Variants in CLVS1 observed in about 807,000 individuals in gnomAD.
CLVS1 encodes the protein clavesin-1.
Under a neutral mutation model 33.1 loss-of-function variants are expected in CLVS1, and 10 were observed. The observed-to-expected ratio is 0.30, with a 90% CI of 0.19 to 0.51. The LOEUF (loss-of-function observed/expected upper bound fraction) is 0.51. CLVS1 is among the 20% of genes least tolerant of loss of function. CLVS1 has a pLI of 0.97. For synonymous variants in CLVS1, 163 were observed against 166.1 expected, an observed-to-expected ratio of 0.98 and a Z score of 0.14; for missense variants, 343 against 433.4, an observed-to-expected ratio of 0.79 and a Z score of 1.85.
At chr8:60,972,732 T>C in the CLVS1 span, among the ~76,000 whole-genome samples, 1 of 152,194 alleles carries the variant, frequency 6.6e-6, no homozygotes, top group Non-Finnish European at 1.5e-5. Context: ...AACACTATGA[T>C]TGCAGCCCCA....
chr8:61,440,379 T>C (rs981971422), intron 3 of CLVS1, among the ~76,000 whole-genome samples: 4 of 152,256 alleles, frequency 2.6e-5, no homozygotes, highest in African/African-American at 9.6e-5. Context: ...AGGTTTTCTC[T>C]TAAATTATAT....
Position 61,466,050 on chromosome 8 carries a change from G to A in CLVS1, c.977+7508G>A, listed in dbSNP as rs1817537463. On this transcript the variant is annotated intron_variant, in intron 5 of 5. Transcript: ENST00000325897. ...TTTCTGTTCTTAGGAGTGTATGTGT[G>A]AAGCACCTCACTTTCTCCTACCTAA... is the stretch of plus-strand genomic sequence containing the variant. 2.0e-5 allele frequency among the ~76,000 whole-genome samples: 3 copies of A among 152,180 alleles called. No homozygotes were observed. The South Asian group carries it at 6.2e-4, about 32-fold the overall frequency.
At chr8:61,249,527 A>G (rs936245219) in intron 2 of CLVS1, among the ~76,000 whole-genome samples, 1 of 152,090 alleles carries the variant, frequency 6.6e-6, no homozygotes, top group Non-Finnish European at 1.5e-5. Context: ...ACTAATTTAC[A>G]CTCCCACCAA....
At chr8:61,466,871 A>C (rs1316207452) in intron 5 of CLVS1, among the ~76,000 whole-genome samples, 5 of 151,888 alleles carry the variant, frequency 3.3e-5, no homozygotes, top group African/African-American at 1.2e-4. Context: ...CTGGTCTCGA[A>C]CTCCTGATCT....
intron 3 of CLVS1, among the ~76,000 whole-genome samples, chr8:61,394,954 A>G (rs1159081806): frequency 1.3e-5 from 2 of 152,278 alleles, no homozygotes; most frequent in East Asian, 3.9e-4. Flanking sequence ...ATTTTGTCAT[A>G]TATCTGTTGG....
intron 2 of CLVS1, among the ~76,000 whole-genome samples, chr8:61,145,656 C>T (rs1209975867): frequency 3.9e-5 from 6 of 152,180 alleles, no homozygotes. Context: ...GGCTTTTGTT[C>T]TCAAAAGAAG....
At chr8:61,382,552 G>A (rs753431733) in intron 3 of CLVS1, among the ~76,000 whole-genome samples, 49 of 152,228 alleles carry the variant, frequency 3.2e-4, no homozygotes, top group South Asian at 8.3e-4. Context: ...CAAGTCCTTC[G>A]GGTGATTTGC....
At chr8:61,026,528 G>A in the CLVS1 span, among the ~76,000 whole-genome samples, 7 of 152,276 alleles carry the variant, frequency 4.6e-5, no homozygotes, top group Admixed American at 1.3e-4. Context: ...GGGAGATGTG[G>A]TGTGCTTTGG....
At chr8:61,129,608 T>C (rs1806047896) in intron 1 of CLVS1, among the ~76,000 whole-genome samples, 2 of 152,204 alleles carry the variant, frequency 1.3e-5, no homozygotes, top group Non-Finnish European at 2.9e-5. Context: ...ATTGACAGAT[T>C]CTGTGTCCAA....
chr8:61,252,094 C>T (rs577530105), intron 2 of CLVS1, among the ~76,000 whole-genome samples: 1 of 152,258 alleles, frequency 6.6e-6, no homozygotes, highest in South Asian at 2.1e-4. Flanking sequence ...TTAAATGTGT[C>T]CCAGAGATTC....
intron 5 of CLVS1, among the ~76,000 whole-genome samples, chr8:61,488,404 T>G (rs1246547144): frequency 6.6e-6 from 1 of 152,212 alleles, no homozygotes; most frequent in Non-Finnish European, 1.5e-5. Context: ...CGGAATTTTT[T>G]TGTTGAATTG....
intron 2 of CLVS1, among the ~76,000 whole-genome samples, chr8:61,185,212 C>T (rs908150279): frequency 2.0e-5 from 3 of 151,306 alleles, no homozygotes; most frequent in South Asian, 2.1e-4. Context: ...GGCAGCGTTA[C>T]GCTGTCTGAA....
upstream of CLVS1, among the ~76,000 whole-genome samples, chr8:61,055,852 G>T (rs1289523852): frequency 6.6e-6 from 1 of 152,228 alleles, no homozygotes; most frequent in Non-Finnish European, 1.5e-5. Flanking sequence ...ACTCTCCAAG[G>T]CCAGTCATTC....
chr8:61,323,776 A>G (rs1268165531), intron 2 of CLVS1, among the ~76,000 whole-genome samples: 1 of 152,000 alleles, frequency 6.6e-6, no homozygotes, highest in African/African-American at 2.4e-5. Context: ...CCTAGTACCC[A>G]TTAGTCAGTT....
chr8:61,061,331 CT>C (rs1377701431), intron 1 of CLVS1, among the ~76,000 whole-genome samples: 6 of 152,148 alleles, frequency 3.9e-5, no homozygotes, highest in Non-Finnish European at 7.4e-5. Flanking sequence ...CTTTTTCTTG[CT>C]GTTCCAGATC....
At chr8:61,124,616 G>A (rs1311157335) in intron 1 of CLVS1, among the ~76,000 whole-genome samples, 1 of 152,070 alleles carries the variant, frequency 6.6e-6, no homozygotes, top group East Asian at 1.9e-4. Flanking sequence ...CCAGACTTTG[G>A]TACTTACTGG....
chr8:61,127,787 C>T (rs997164359), intron 1 of CLVS1, among the ~76,000 whole-genome samples: 1 of 152,062 alleles, frequency 6.6e-6, no homozygotes, highest in African/African-American at 2.4e-5. Context: ...GACAGATATT[C>T]CCTCTCCTCA....
chr8:61,323,257 G>A (rs938010478), intron 2 of CLVS1, among the ~76,000 whole-genome samples: 4 of 152,026 alleles, frequency 2.6e-5, no homozygotes, highest in Admixed American at 6.6e-5. Flanking sequence ...GGATTCTCAG[G>A]GCAGTTCTTC....
At chr8:61,354,349 C>T (rs997651022) in intron 2 of CLVS1, among the ~76,000 whole-genome samples, 4 of 151,988 alleles carry the variant, frequency 2.6e-5, no homozygotes, top group Non-Finnish European at 4.4e-5. Context: ...AACTGGATTA[C>T]TCATCAAGAT....
Sources: gnomAD v4.1 joint callset for allele counts (sites outside exome capture counted in the v4.1 genomes callset) on GRCh38, gnomAD v4.1.1 for gene constraint, MANE v1.5 for transcripts, NCBI Gene and HGNC (gene_info 2026-07-23, HGNC 2026-07-21) for gene names.